NFXL1: variants seen among roughly 807,000 people sequenced by gnomAD.
NFXL1 encodes the protein NF-X1-type zinc finger protein NFXL1.
NFXL1 carries 66 observed loss-of-function variants against 123.3 expected under a neutral mutation model. The observed-to-expected ratio is 0.54, with a 90% CI of 0.44 to 0.66. NFXL1 has a LOEUF of 0.66. Ranked by LOEUF, NFXL1 falls within the 30% of genes least tolerant of loss-of-function variation. The probability of loss-of-function intolerance (pLI) is 0.00; values close to 1 mark genes in which losing one functional copy is unlikely to be tolerated. For synonymous variants in NFXL1, 346 were observed against 360.8 expected (o/e 0.96, Z 0.46); for missense variants, 944 against 1,125.6 (o/e 0.84, Z 2.31).
chr4:47,898,714 T>G, intron 8 of NFXL1, 43 bp downstream of exon 8: 1 of 1,269,192 alleles, frequency 7.9e-7, no homozygotes. Flanking sequence ...CTATGCTTTC[T>G]GTACTCTTTA....
chr4:47,851,020 G>T, intron 22 of NFXL1, 75 bp downstream of exon 22: 1 of 1,091,192 alleles, frequency 9.2e-7, no homozygotes, highest in Non-Finnish European at 1.4e-6. Flanking sequence ...GTTTGACCTT[G>T]GAATATACCC....
intron 19 of NFXL1, 95 bp from the exon 20 acceptor site, chr4:47,855,258 ACAAAGGGT>A: frequency 4.8e-6 from 3 of 629,476 alleles, no homozygotes; most frequent in Non-Finnish European, 8.4e-6. Context: ...AGTCCATCAC[ACAAAGGGT>A]CAATCAATCC....
At chr4:47,866,157 T>C (rs1179151937) in intron 18 of NFXL1, among the ~76,000 whole-genome samples, 1 of 144,364 alleles carries the variant, frequency 6.9e-6, no homozygotes, top group Non-Finnish European at 1.5e-5. Flanking sequence ...TAAAATAAAA[T>C]AAGTACACAA....
chr4:47,855,862 C>T lies in NFXL1; in HGVS notation c.2317-699G>A, dbSNP rs536310843. ...TTGTTTACTGTCTTCCTATCCTAGT[C>T]AAGCATTAAGATGAAATGTTCATGG... On this transcript the variant is annotated intron_variant, in intron 19 of 22. Transcript: ENST00000507489. 9.2e-5 allele frequency among the ~76,000 whole-genome samples: 14 copies of T among 152,182 alleles called. No individual in the cohort carries two copies. The South Asian group carries it at 1.9e-3, about 20-fold the overall frequency.
At chr4:47,913,341 C>T (rs1737935858) in intron 2 of NFXL1, among the ~76,000 whole-genome samples, 1 of 152,172 alleles carries the variant, frequency 6.6e-6, no homozygotes, top group African/African-American at 2.4e-5. Flanking sequence ...CCAGATATGT[C>T]CACAGAAGGA....
chr4:47,887,167 A>T (rs1736485932), intron 12 of NFXL1, among the ~76,000 whole-genome samples: 1 of 152,216 alleles, frequency 6.6e-6, no homozygotes, highest in South Asian at 2.1e-4. Context: ...TCATCATCTT[A>T]AGGGCTTTCT....
intron 22 of NFXL1, among the ~76,000 whole-genome samples, chr4:47,850,514 C>T (rs1381758319): frequency 6.6e-6 from 1 of 152,062 alleles, no homozygotes; most frequent in Non-Finnish European, 1.5e-5. Context: ...AGTCAAGCCA[C>T]TCTTTCAAGT....
chr4:47,858,341 C>T (rs1297386889), intron 19 of NFXL1, among the ~76,000 whole-genome samples: 2 of 152,166 alleles, frequency 1.3e-5, no homozygotes, highest in African/African-American at 4.8e-5. Context: ...TTTTGGAAAT[C>T]AATTTGATAT....
intron 2 of NFXL1, among the ~76,000 whole-genome samples, chr4:47,911,994 G>A (rs1272272471): frequency 2.0e-5 from 3 of 152,166 alleles, no homozygotes; most frequent in African/African-American, 7.2e-5. Flanking sequence ...AAACTGATAA[G>A]CCACTACCAA....
chr4:47,898,610 G>A (rs1232456982), intron 8 of NFXL1, 147 bp downstream of exon 8: 2 of 568,470 alleles, frequency 3.5e-6, no homozygotes, highest in African/African-American at 3.8e-5. Context: ...TTTAAAAGTA[G>A]TTTCTTAAAA....
chr4:47,849,995 G>C (rs570879255), intron 22 of NFXL1, among the ~76,000 whole-genome samples: 1 of 150,474 alleles, frequency 6.6e-6, no homozygotes, highest in African/African-American at 2.5e-5. Flanking sequence ...TTTTCGATCT[G>C]TGGTTGGTTG....
intron 20 of NFXL1, 96 bp downstream of exon 20, chr4:47,854,962 AC>A: frequency 2.4e-6 from 1 of 423,604 alleles, no homozygotes; most frequent in Non-Finnish European, 4.2e-6. Flanking sequence ...AAAAAGCCAA[AC>A]AACTACCAAA....
intron 18 of NFXL1, 100 bp from the exon 19 acceptor site, chr4:47,863,015 CTT>C: frequency 1.5e-6 from 1 of 689,518 alleles, no homozygotes. Flanking sequence ...ATAAAATTAT[CTT>C]TTTTCCTCAA....
chr4:47,888,710 TA>T (rs1736600149), intron 12 of NFXL1, among the ~76,000 whole-genome samples: 1 of 150,696 alleles, frequency 6.6e-6, no homozygotes, highest in Non-Finnish European at 1.5e-5. Context: ...TCTGAGAAAC[TA>T]AATAAAGCAA....
intron 15 of NFXL1, among the ~76,000 whole-genome samples, chr4:47,879,389 T>C (rs973626220): frequency 3.3e-5 from 5 of 152,108 alleles, no homozygotes; most frequent in Non-Finnish European, 7.4e-5. Context: ...ATACAAGATC[T>C]CTATGGGACA....
At chr4:47,888,144 T>C (rs991533843) in intron 12 of NFXL1, among the ~76,000 whole-genome samples, 1 of 152,026 alleles carries the variant, frequency 6.6e-6, no homozygotes, top group African/African-American at 2.4e-5. Context: ...CATGGTGGCA[T>C]ATGCCTGTGA....
intron 20 of NFXL1, among the ~76,000 whole-genome samples, chr4:47,854,431 A>G (rs1560579203): frequency 1.3e-5 from 2 of 152,120 alleles, no homozygotes; most frequent in Non-Finnish European, 2.9e-5. Context: ...GAAAAAGACT[A>G]TTAGGACAGT....
In NFXL1 at chr4:47,898,151, C is replaced by T. The variant is rs1476102035; in HGVS notation, c.1090-70G>A. The stretch of plus-strand genomic sequence containing the variant: ...ACAAAAAAAGACTTCATACAAGACA[C>T]AATCCATTTTTCAATCACAAATAAA... On this transcript the variant is annotated intron_variant, in intron 8 of 22. Coordinates refer to ENST00000507489, the MANE Select transcript of NFXL1 (RefSeq NM_001278624.2). The T allele has an allele frequency of 9.0e-6, 8 of 889,684 alleles. No homozygotes were observed. In the Admixed American group the frequency reaches 2.0e-4, roughly 22 times the overall value. The allele number at this position is 889,684 out of a possible 1,614,324, so 55.1% of individuals were successfully genotyped here. A position where few individuals can be genotyped will look rare whatever the true frequency, so the allele number is the denominator to read the frequency against.
chr4:47,910,712 G>T, intron 3 of NFXL1, 112 bp downstream of exon 3: 1 of 576,952 alleles, frequency 1.7e-6, no homozygotes. Context: ...ATAACATACA[G>T]TGCTCATCTT....
Sources: allele counts gnomAD v4.1 joint callset (sites outside exome capture counted in the v4.1 genomes callset), GRCh38; gene constraint gnomAD v4.1.1; transcripts MANE v1.5; gene names NCBI Gene and HGNC (gene_info 2026-07-23, HGNC 2026-07-21).